The following FRMD6 variants were observed in gnomAD, a reference collection of about 807,000 sequenced individuals.
FRMD6 encodes the protein FERM domain-containing protein 6.
In FRMD6, 37 loss-of-function variants were observed where a neutral mutation model predicts 73.2. The observed-to-expected ratio is 0.51, with a 90% CI of 0.39 to 0.66. The LOEUF is 0.66. FRMD6 is among the 30% of genes least tolerant of loss of function. The pLI is 0.00. For synonymous variants in FRMD6, 273 were observed against 282.2 expected (o/e 0.97, Z 0.33); for missense variants, 714 against 780.5 (o/e 0.91, Z 1.02).
intron 1 of FRMD6, among the ~76,000 whole-genome samples, chr14:51,569,304 G>T (rs1013921449): frequency 6.6e-6 from 1 of 152,120 alleles, no homozygotes; most frequent in African/African-American, 2.4e-5. Context: ...CAACAGCCTT[G>T]CATTAGGAAG....
chr14:51,708,356 AAG>A, intron 7 of FRMD6, 123 bp downstream of exon 7: 1 of 988,460 alleles, frequency 1.0e-6, no homozygotes, highest in South Asian at 1.7e-5. Context: ...ATGCTTTTAA[AAG>A]AGTTTCATTG....
At chr14:51,420,672 T>C in the FRMD6 span, among the ~76,000 whole-genome samples, 1 of 152,232 alleles carries the variant, frequency 6.6e-6, no homozygotes. Context: ...AACAGCTATT[T>C]ACATAGCATT....
intron 1 of FRMD6, among the ~76,000 whole-genome samples, chr14:51,512,613 T>C (rs1884376332): frequency 6.6e-6 from 1 of 151,526 alleles, no homozygotes; most frequent in Admixed American, 6.6e-5. Flanking sequence ...AATGTTTCTT[T>C]CTCTTTTTTT....
chr14:51,557,466 G>A (rs762876806), intron 1 of FRMD6, among the ~76,000 whole-genome samples: 22 of 152,048 alleles, frequency 1.4e-4, no homozygotes, highest in Non-Finnish European at 2.6e-4. Context: ...GTGGGATAGT[G>A]GTTATCAGGG....
At chr14:51,669,883 A>G (rs1893874845) in intron 1 of FRMD6, among the ~76,000 whole-genome samples, 1 of 149,648 alleles carries the variant, frequency 6.7e-6, no homozygotes, top group South Asian at 2.1e-4. Flanking sequence ...TTAATGCCCT[A>G]AGAAAACCAG....
chr14:51,669,131 T>C (rs1376832879), intron 1 of FRMD6, among the ~76,000 whole-genome samples: 1 of 152,174 alleles, frequency 6.6e-6, no homozygotes, highest in African/African-American at 2.4e-5. Context: ...CTACAGCTCC[T>C]TTTTAGTCAG....
the FRMD6 span, among the ~76,000 whole-genome samples, chr14:51,458,986 A>C: frequency 6.6e-6 from 1 of 152,180 alleles, no homozygotes; most frequent in African/African-American, 2.4e-5. Flanking sequence ...GGTTGTCTGG[A>C]CTAACAACCC....
intron 1 of FRMD6, among the ~76,000 whole-genome samples, chr14:51,507,571 C>G (rs1248109663): frequency 6.6e-6 from 1 of 152,252 alleles, no homozygotes; most frequent in African/African-American, 2.4e-5. Context: ...ATCAGGAATT[C>G]CAGTCTGGCT....
At chr14:51,569,823 C>CT (rs11350712) in intron 1 of FRMD6, among the ~76,000 whole-genome samples, 82 of 141,100 alleles carry the variant, frequency 5.8e-4, no homozygotes, top group South Asian at 1.4e-3. Context: ...TCTTCTTTTT[C>CT]TTTTTTTTTT....
chr14:51,541,341 C>A (rs975915624), intron 1 of FRMD6, among the ~76,000 whole-genome samples: 3 of 152,086 alleles, frequency 2.0e-5, no homozygotes, highest in Admixed American at 6.6e-5. Context: ...CATAAATATT[C>A]ACTGAGCATT....
At chr14:51,424,943 C>T in the FRMD6 span, among the ~76,000 whole-genome samples, 1 of 152,198 alleles carries the variant, frequency 6.6e-6, no homozygotes, top group Non-Finnish European at 1.5e-5. Context: ...GACAAAAGGT[C>T]AGCAGTTCCT....
chr14:51,407,959 C>G, the FRMD6 span, among the ~76,000 whole-genome samples: 60 of 152,236 alleles, frequency 3.9e-4, no homozygotes, highest in African/African-American at 1.3e-3. Flanking sequence ...GGCATAAACT[C>G]TATAGCATTC....
At chr14:51,657,792 G>A (rs1487898087) in intron 1 of FRMD6, among the ~76,000 whole-genome samples, 1 of 152,194 alleles carries the variant, frequency 6.6e-6, no homozygotes, top group African/African-American at 2.4e-5. Flanking sequence ...CTCAGCCACT[G>A]TATCCTAAGG....
chr14:51,698,458 G>A (rs1896089613), intron 3 of FRMD6, among the ~76,000 whole-genome samples: 2 of 151,906 alleles, frequency 1.3e-5, no homozygotes, highest in South Asian at 4.2e-4. Flanking sequence ...ATTATAGTTT[G>A]AACTTAAAAA....
At position 51,559,204 on chromosome 14, in the gene FRMD6, C is replaced by T. The variant is rs573215329; in HGVS notation, c.-209-11144C>T. ...TCTCTGATTCTAGAGAATATACTAA[C>T]TCTCACTCAGAAAAGAAATAAGATC... is the stretch of plus-strand genomic sequence containing the variant. On this transcript the variant is annotated intron_variant, in intron 1 of 14. Coordinates refer to the FRMD6 transcript ENST00000356218. 7.9e-4 allele frequency among the ~76,000 whole-genome samples: 121 copies of T among 152,344 alleles called. 1 individual carries two copies. Among genetic ancestry groups the T allele is most frequent in the African/African-American group, 2.7e-3 (113 of 41,568 alleles).
At chr14:51,655,294 T>G (rs1370666282) in intron 1 of FRMD6, among the ~76,000 whole-genome samples, 1 of 152,244 alleles carries the variant, frequency 6.6e-6, no homozygotes, top group East Asian at 1.9e-4. Flanking sequence ...TTAGAAAGTC[T>G]TTGTATGATT....
intron 1 of FRMD6, chr14:51,554,820 A>G (rs990286900): frequency 6.6e-6 from 1 of 152,236 alleles, no homozygotes; most frequent in Non-Finnish European, 1.5e-5. Flanking sequence ...GAACTAAAGA[A>G]ATGGGAACAA....
the FRMD6 span, among the ~76,000 whole-genome samples, chr14:51,460,101 T>G: frequency 6.6e-6 from 1 of 152,146 alleles, no homozygotes; most frequent in Admixed American, 6.6e-5. Context: ...ATGTGTTTAT[T>G]CATTCAACAA....
intron 2 of FRMD6, among the ~76,000 whole-genome samples, chr14:51,587,929 C>T (rs868075914): frequency 3.9e-5 from 6 of 152,032 alleles, no homozygotes; most frequent in Admixed American, 2.0e-4. Flanking sequence ...GGTTACAGCA[C>T]GATGGAAATG....
Sources: allele counts gnomAD v4.1 joint callset (sites outside exome capture counted in the v4.1 genomes callset), GRCh38; gene constraint gnomAD v4.1.1; transcripts MANE v1.5; gene names NCBI Gene and HGNC (gene_info 2026-07-23, HGNC 2026-07-21).